ADAMTS3: variants seen among roughly 807,000 people sequenced by gnomAD.
The protein encoded by ADAMTS3 is A disintegrin and metalloproteinase with thrombospondin motifs 3.
ADAMTS3 carries 73 observed loss-of-function variants against 129.0 expected under a neutral mutation model. That is an observed-to-expected ratio of 0.57 (90% CI 0.47 to 0.69). ADAMTS3 has a LOEUF of 0.69. Among genes scored for constraint, ADAMTS3 ranks in the 30% least tolerant of loss-of-function variants. ADAMTS3 has a pLI of 0.00. For synonymous variants in ADAMTS3, 477 were observed against 510.8 expected, an observed-to-expected ratio of 0.93 and a Z score of 0.89; for missense variants, 1,457 against 1,514.5, an observed-to-expected ratio of 0.96 and a Z score of 0.63.
chr4:72,333,029 A>G (rs74622767), intron 5 of ADAMTS3, among the ~76,000 whole-genome samples: 5,629 of 152,208 alleles, frequency 0.037, 345 homozygotes, highest in African/African-American at 0.13. Context: ...TGCCATACTA[A>G]CTGTCTGACC....
At chr4:72,485,127 G>A (rs559718497) in intron 3 of ADAMTS3, among the ~76,000 whole-genome samples, 83 of 152,294 alleles carry the variant, frequency 5.4e-4, no homozygotes, top group African/African-American at 1.9e-3. Context: ...CTTCAAGCAT[G>A]TGGGTTTGTG....
intron 2 of ADAMTS3, among the ~76,000 whole-genome samples, chr4:72,561,214 A>C (rs1202136356): frequency 2.6e-5 from 4 of 152,058 alleles, no homozygotes; most frequent in Non-Finnish European, 4.4e-5. Context: ...CCGGCGTGGT[A>C]GTATGCACCT....
At chr4:72,358,964 C>T (rs939472411) in intron 4 of ADAMTS3, among the ~76,000 whole-genome samples, 3 of 151,686 alleles carry the variant, frequency 2.0e-5, no homozygotes, top group African/African-American at 7.3e-5. Flanking sequence ...AGGTATGAGG[C>T]CTTCCAAAAG....
intron 19 of ADAMTS3, among the ~76,000 whole-genome samples, chr4:72,291,653 T>A (rs1296313626): frequency 6.6e-6 from 1 of 151,858 alleles, no homozygotes; most frequent in Non-Finnish European, 1.5e-5. Flanking sequence ...TCTATCATTG[T>A]TGGACATTTG....
intron 17 of ADAMTS3, among the ~76,000 whole-genome samples, chr4:72,301,501 G>A (rs1578563145): frequency 6.6e-6 from 1 of 152,092 alleles, no homozygotes; most frequent in African/African-American, 2.4e-5. Context: ...CTAATTTTCA[G>A]AGAAGAAAAA....
intron 3 of ADAMTS3, among the ~76,000 whole-genome samples, chr4:72,543,187 G>A (rs902554692): frequency 6.6e-6 from 1 of 152,044 alleles, no homozygotes; most frequent in Admixed American, 6.6e-5. Flanking sequence ...TCTAGTTTAA[G>A]GCACTAAGAG....
intron 4 of ADAMTS3, among the ~76,000 whole-genome samples, chr4:72,357,542 A>C (rs1418850062): frequency 6.6e-6 from 1 of 151,822 alleles, no homozygotes; most frequent in African/African-American, 2.4e-5. Context: ...CTCTAATTCA[A>C]TTTCTATTAT....
chr4:72,525,221 A>G (rs1053841438), intron 3 of ADAMTS3, among the ~76,000 whole-genome samples: 8 of 152,202 alleles, frequency 5.3e-5, no homozygotes, highest in Admixed American at 5.2e-4. Context: ...AAACAGGTAG[A>G]GCCTAAAGAC....
At chr4:72,328,558 G>A (rs1578586184) in intron 5 of ADAMTS3, among the ~76,000 whole-genome samples, 1 of 152,086 alleles carries the variant, frequency 6.6e-6, no homozygotes, top group African/African-American at 2.4e-5. Context: ...GTGTGATGCT[G>A]GGCATGTTAT....
chr4:72,452,597 T>C (rs887553113), intron 3 of ADAMTS3, among the ~76,000 whole-genome samples: 1 of 151,786 alleles, frequency 6.6e-6, no homozygotes, highest in Admixed American at 6.6e-5. Flanking sequence ...AGTCTCCATC[T>C]TTCAACTTAA....
intron 21 of ADAMTS3, among the ~76,000 whole-genome samples, chr4:72,286,491 T>A (rs1399084156): frequency 6.6e-6 from 1 of 152,192 alleles, no homozygotes; most frequent in Non-Finnish European, 1.5e-5. Flanking sequence ...TTTATAAGGG[T>A]TGAAGACTTA....
At chr4:72,447,063 C>T (rs766725109) in intron 3 of ADAMTS3, among the ~76,000 whole-genome samples, 5 of 151,666 alleles carry the variant, frequency 3.3e-5, no homozygotes, top group East Asian at 2.0e-4. Context: ...CAATTATAAA[C>T]ATTAGTGTCA....
intron 3 of ADAMTS3, among the ~76,000 whole-genome samples, chr4:72,536,370 T>A (rs1401192992): frequency 1.3e-5 from 2 of 152,330 alleles, no homozygotes; most frequent in African/African-American, 2.4e-5. Flanking sequence ...AAGGTTCTAA[T>A]TTTGTGGAAG....
intron 3 of ADAMTS3, among the ~76,000 whole-genome samples, chr4:72,460,124 G>A (rs902494477): frequency 4.6e-5 from 7 of 151,442 alleles, no homozygotes; most frequent in Admixed American, 3.3e-4. Flanking sequence ...TAAATATTAA[G>A]AGTATCTCCT....
chr4:72,313,858 C>A, intron 11 of ADAMTS3, 36 bp from the exon 12 acceptor site: 4 of 1,611,416 alleles, frequency 2.5e-6, no homozygotes, highest in Non-Finnish European at 3.4e-6. Flanking sequence ...ATTAAAATCA[C>A]GCATACACTA....
intron 17 of ADAMTS3, among the ~76,000 whole-genome samples, chr4:72,299,053 C>G (rs930625410): frequency 2.9e-5 from 4 of 138,064 alleles, no homozygotes; most frequent in African/African-American, 8.0e-5. Context: ...TATTTGCATT[C>G]TGTGTGTGTG....
intron 3 of ADAMTS3, among the ~76,000 whole-genome samples, chr4:72,505,917 G>A (rs1352914499): frequency 6.6e-6 from 1 of 152,192 alleles, no homozygotes; most frequent in Admixed American, 6.5e-5. Context: ...CTGCCTGGGT[G>A]TGGAGTGGAG....
chr4:72,428,240 CGTAA>C (rs1722617482), intron 3 of ADAMTS3, among the ~76,000 whole-genome samples: 1 of 151,862 alleles, frequency 6.6e-6, no homozygotes, highest in African/African-American at 2.4e-5. Context: ...AAATGCTTTT[CGTAA>C]GTGTTTGACA....
At chr4:72,461,842 A>C (rs1375953685) in intron 3 of ADAMTS3, among the ~76,000 whole-genome samples, 1 of 151,950 alleles carries the variant, frequency 6.6e-6, no homozygotes, top group Non-Finnish European at 1.5e-5. Flanking sequence ...ACATTTAACA[A>C]AATTGATGGA....
Sources: gnomAD v4.1 joint callset for allele counts (sites outside exome capture counted in the v4.1 genomes callset) on GRCh38, gnomAD v4.1.1 for gene constraint, MANE v1.5 for transcripts, NCBI Gene and HGNC (gene_info 2026-07-23, HGNC 2026-07-21) for gene names.